UIMC1: variants seen among roughly 807,000 people sequenced by gnomAD.
UIMC1 encodes ubiquitin interaction motif containing 1, also known as BRCA1-A complex subunit RAP80.
In UIMC1, 42 loss-of-function variants were observed where a neutral mutation model predicts 84.9. That is an observed-to-expected ratio of 0.49 (90% confidence interval 0.39 to 0.64). UIMC1 has a LOEUF of 0.64. UIMC1 is among the 30% of genes least tolerant of loss of function. The pLI, the probability that UIMC1 is intolerant of heterozygous loss-of-function variation, is 0.00. For missense variants in UIMC1, 825 were observed against 847.6 expected, an observed-to-expected ratio of 0.97 and a Z score of 0.33; for synonymous variants, 281 against 293.0, an observed-to-expected ratio of 0.96 and a Z score of 0.42.
intron 1 of UIMC1, among the ~76,000 whole-genome samples, chr5:176,995,511 T>C (rs1581689183): frequency 8.5e-6 from 1 of 117,626 alleles, no homozygotes; most frequent in Admixed American, 1.2e-4. Flanking sequence ...CACTCCAGAC[T>C]GGGTGACAGA....
chr5:176,915,122 T>C (rs973197590), intron 10 of UIMC1, among the ~76,000 whole-genome samples: 2 of 152,184 alleles, frequency 1.3e-5, no homozygotes, highest in Admixed American at 6.5e-5. Flanking sequence ...TTGATTCTAG[T>C]ACTGTCCATA....
rs956283996 is a variant in UIMC1 at position 176,991,770 on chromosome 5, A to C, written c.-8-9147T>G. Among the ~76,000 whole-genome samples the C allele has an allele frequency of 2.6e-5, 4 of 152,052 alleles. No individual in the cohort carries two copies. The East Asian group carries it at 7.7e-4, about 29-fold the overall frequency. On this transcript the variant is annotated intron_variant, in intron 1 of 14. Transcript: ENST00000511320. ...ACACGGTGAAACCCCAAGTCTACTA[A>C]AAATACAAAAAATTCGCCGGGCGTG...
chr5:176,944,404 T>G (rs1173848970), intron 9 of UIMC1, among the ~76,000 whole-genome samples: 3 of 152,218 alleles, frequency 2.0e-5, no homozygotes, highest in African/African-American at 7.2e-5. Flanking sequence ...CTACACAGGT[T>G]GATCAGAGCC....
At chr5:176,998,094 ATGTC>A (rs1220333656) in intron 1 of UIMC1, among the ~76,000 whole-genome samples, 11 of 152,104 alleles carry the variant, frequency 7.2e-5, no homozygotes, top group Non-Finnish European at 1.5e-4. Flanking sequence ...CGAGAAAGAA[ATGTC>A]TGTCTTTCTC....
chr5:176,949,355 C>T (rs1173037663), intron 9 of UIMC1, among the ~76,000 whole-genome samples: 1 of 152,170 alleles, frequency 6.6e-6, no homozygotes, highest in East Asian at 1.9e-4. Flanking sequence ...GACGTGTACA[C>T]CATAAATTCT....
chr5:176,934,471 C>G (rs1352368847), intron 10 of UIMC1, among the ~76,000 whole-genome samples: 1 of 152,210 alleles, frequency 6.6e-6, no homozygotes, highest in South Asian at 2.1e-4. Context: ...ATCTTGAAAC[C>G]GTGAATCAAG....
chr5:176,970,008 T>A, intron 4 of UIMC1: 1 of 253,474 alleles, frequency 3.9e-6, no homozygotes, highest in Non-Finnish European at 7.8e-6. Context: ...AGGTGGCTAA[T>A]GCTTGTAATC....
At position 176,972,651 on chromosome 5, in the gene UIMC1, G is replaced by A. The variant is rs547635970; in HGVS notation, c.233-1785C>T. Among the ~76,000 whole-genome samples the A allele has an allele frequency of 3.9e-5, 6 of 152,000 alleles. No individual in the cohort carries two copies. In the East Asian group the frequency reaches 5.9e-4, roughly 15 times the overall value. On this transcript the variant is annotated intron_variant, in intron 3 of 14. Transcript: ENST00000511320. ...CTCGGGAGGCTGAGGTAGGAGAATC[G>A]CTTAAACCCGGGAGGCGGAGGTTGC...
chr5:177,016,592 G>A (rs1165945351), intron 1 of UIMC1, among the ~76,000 whole-genome samples: 1 of 151,984 alleles, frequency 6.6e-6, no homozygotes, highest in Non-Finnish European at 1.5e-5. Flanking sequence ...TCAGAAGGCT[G>A]AGGCAGGAGA....
At position 176,968,736 on chromosome 5, in the gene UIMC1, T is replaced by A. The variant is rs139253025; in HGVS notation, c.1019A>T (p.Glu340Val). 1 of 1,614,142 alleles carries A rather than the reference T, an allele frequency of 6.2e-7. No homozygotes were observed. Among genetic ancestry groups the A allele is most frequent in the Admixed American group, 1.7e-5 (1 of 60,008 alleles). The change falls in exon 6 of 15, where the codon GAG (glutamate) becomes GTG (valine). Residue 340 changes from glutamate to valine, a missense_variant. Transcript: ENST00000511320. ...GCATTCATTTTTCTCACTAGCCTGC[T>A]CTCCTTGGCCACATTCATTCTGGAT... The part of the protein sequence containing the change: ...SLIQNECGQG[E>V]QASEKNECIS...
At chr5:176,950,632 G>C (rs1435638557) in intron 9 of UIMC1, among the ~76,000 whole-genome samples, 1 of 151,920 alleles carries the variant, frequency 6.6e-6, no homozygotes, top group African/African-American at 2.4e-5. Flanking sequence ...CACTTTGGGA[G>C]GCTAAGGTGG....
At chr5:176,923,967 T>A (rs1249433926) in intron 10 of UIMC1, among the ~76,000 whole-genome samples, 1 of 150,800 alleles carries the variant, frequency 6.6e-6, no homozygotes, top group Non-Finnish European at 1.5e-5. Flanking sequence ...GGAAATTACA[T>A]CGTATATTTA....
intron 10 of UIMC1, among the ~76,000 whole-genome samples, chr5:176,929,964 A>C (rs1762888971): frequency 6.6e-6 from 1 of 152,242 alleles, no homozygotes; most frequent in Non-Finnish European, 1.5e-5. Flanking sequence ...TATGGAGAAA[A>C]GACTGAATTT....
At chr5:177,018,108 T>C (rs986878583) in intron 1 of UIMC1, among the ~76,000 whole-genome samples, 1 of 152,056 alleles carries the variant, frequency 6.6e-6, no homozygotes, top group African/African-American at 2.4e-5. Flanking sequence ...CCCAGCACTT[T>C]GGGAGGCCAA....
intron 4 of UIMC1, 61 bp downstream of exon 4, chr5:176,970,681 C>T: frequency 1.2e-6 from 2 of 1,612,094 alleles, no homozygotes; most frequent in Non-Finnish European, 1.7e-6. Context: ...ACTACAACAC[C>T]ACAGAAGTCA....
intron 3 of UIMC1, 96 bp from the exon 4 acceptor site, chr5:176,970,962 C>A: frequency 6.9e-7 from 1 of 1,442,242 alleles, no homozygotes; most frequent in Non-Finnish European, 9.3e-7. Flanking sequence ...CAACTGAAGA[C>A]ACTACCAGAC....
intron 10 of UIMC1, among the ~76,000 whole-genome samples, chr5:176,918,868 A>G (rs1761355841): frequency 1.3e-5 from 2 of 152,148 alleles, no homozygotes; most frequent in Non-Finnish European, 2.9e-5. Context: ...AGGTGTCCCT[A>G]TCTGCTGAAT....
chr5:176,975,609 A>C (rs1163350482), intron 2 of UIMC1, 129 bp from the exon 3 acceptor site: 2 of 790,868 alleles, frequency 2.5e-6, no homozygotes, highest in Admixed American at 5.6e-5. Context: ...TGCACATAAA[A>C]CATTAGAAGA....
intron 10 of UIMC1, among the ~76,000 whole-genome samples, chr5:176,937,880 T>C (rs1763900660): frequency 6.6e-6 from 1 of 152,114 alleles, no homozygotes; most frequent in Non-Finnish European, 1.5e-5. Flanking sequence ...TCTCCCAGCT[T>C]GGCTTATGTG....
Sources: allele counts gnomAD v4.1 joint callset (sites outside exome capture counted in the v4.1 genomes callset), GRCh38; gene constraint gnomAD v4.1.1; transcripts MANE v1.5; gene names NCBI Gene and HGNC (gene_info 2026-07-23, HGNC 2026-07-21).